The following VSTM2B variants were observed in gnomAD, a reference collection of about 807,000 sequenced individuals.
The protein encoded by VSTM2B is V-set and transmembrane domain-containing protein 2B.
A neutral mutation model predicts 24.0 loss-of-function variants in VSTM2B; 24 were observed. That is an observed-to-expected ratio of 1.00 (90% CI 0.72 to 1.40). The LOEUF (loss-of-function observed/expected upper bound fraction) is 1.40, where lower values mean the gene tolerates loss of function less well. VSTM2B is among the 40% of genes most tolerant of loss of function. The probability of loss-of-function intolerance (pLI) is 0.00; values close to 1 mark genes in which losing one functional copy is unlikely to be tolerated. For synonymous variants in VSTM2B, 226 were observed against 194.4 expected, an observed-to-expected ratio of 1.16 and a Z score of -1.35; for missense variants, 399 against 416.4, an observed-to-expected ratio of 0.96 and a Z score of 0.36.
intron 4 of VSTM2B, among the ~76,000 whole-genome samples, chr19:29,548,813 G>A (rs971652152): frequency 1.3e-5 from 2 of 152,244 alleles, no homozygotes; most frequent in Non-Finnish European, 2.9e-5. Context: ...AAGATAGGAT[G>A]CATACCAGGC....
intron 4 of VSTM2B, among the ~76,000 whole-genome samples, chr19:29,538,020 T>C (rs1473979971): frequency 2.6e-5 from 4 of 152,212 alleles, no homozygotes; most frequent in East Asian, 3.9e-4. Context: ...CATTCTCTCC[T>C]GACATTTCAA....
chr19:29,552,992 G>T (rs138295489), intron 4 of VSTM2B, among the ~76,000 whole-genome samples: 4 of 152,308 alleles, frequency 2.6e-5, no homozygotes, highest in African/African-American at 9.6e-5. Context: ...CAGGGGAGGG[G>T]TGTCTGCGGT....
rs998702504 is a variant in VSTM2B at position 29,526,768 on chromosome 19, C to A, written c.82+103C>A. The A allele has an allele frequency of 1.8e-6, 2 of 1,107,572 alleles. No individual in the cohort carries two copies. The highest frequency in any genetic ancestry group is 2.2e-5 in the Admixed American group (1 of 44,458). The allele number at this position is 1,107,572 out of a possible 1,614,324, so 68.6% of individuals were successfully genotyped here. ...AGAACGAACCGGGAAGCTTCGCGGT[C>A]TCCAGCAATCCCGCTGTGCAGCCTG... On this transcript the variant is annotated intron_variant, in intron 1 of 4. Coordinates refer to ENST00000335523, the MANE Select transcript of VSTM2B (RefSeq NM_001146339.2). The surrounding 1 kb of genome is among the most constrained non-coding windows in gnomAD (Gnocchi z 4.1).
rs1003179328 is a variant in VSTM2B at position 29,541,014 on chromosome 19, C to T, written c.769+10724C>T. The stretch of plus-strand genomic sequence containing the variant: ...GGGACTCACATGTGCAAAGGTCCTG[C>T]GGCAAGAGGGATCTGGGGAAATGCA... On this transcript the variant is annotated intron_variant, in intron 4 of 4. Transcript: ENST00000335523. Among the ~76,000 whole-genome samples, 37 of 152,218 alleles carry T rather than the reference C, an allele frequency of 2.4e-4. 1 individual carries two copies. Among genetic ancestry groups the T allele is most frequent in the Admixed American group, 7.2e-4 (11 of 15,292 alleles).
intron 4 of VSTM2B, among the ~76,000 whole-genome samples, chr19:29,549,352 AATGCTGCACCC>A (rs938577974): frequency 6.6e-6 from 1 of 152,098 alleles, no homozygotes; most frequent in African/African-American, 2.4e-5. Flanking sequence ...CGCTGCCCCC[AATGCTGCACCC>A]ATGCTGCCCC....
At chr19:29,553,067 A>G (rs563020957) in intron 4 of VSTM2B, among the ~76,000 whole-genome samples, 32 of 152,248 alleles carry the variant, frequency 2.1e-4, no homozygotes, top group Admixed American at 1.6e-3. Flanking sequence ...CAGTCTGGAC[A>G]AGTGAGATCC....
intron 4 of VSTM2B, among the ~76,000 whole-genome samples, chr19:29,555,822 T>A (rs1290776595): frequency 2.0e-5 from 3 of 151,992 alleles, no homozygotes; most frequent in Non-Finnish European, 4.4e-5. Flanking sequence ...AACGAAAAAA[T>A]TTCTGGATAC....
rs1969552409 is a variant in VSTM2B at position 29,526,029 on chromosome 19, C to G, written c.-555C>G. Among the ~76,000 whole-genome samples, 1 of 152,018 alleles carries G rather than the reference C, an allele frequency of 6.6e-6. No homozygotes were observed. Among genetic ancestry groups the G allele is most frequent in the South Asian group, 2.1e-4 (1 of 4,830 alleles). ...GGCTCCGGGTCCGCCACGCCGGACC[C>G]GCTCTCCCCGCGCTGCGCTGGGTCG... On this transcript the variant is annotated 5_prime_UTR_variant, in exon 1 of 5. Coordinates refer to ENST00000335523, the MANE Select transcript of VSTM2B (RefSeq NM_001146339.2). The surrounding 1 kb of genome is among the most constrained non-coding windows in gnomAD (Gnocchi z 4.1).
At position 29,530,440 on chromosome 19, in the gene VSTM2B, C is replaced by CT. The variant is rs1341642231; in HGVS notation, c.769+150_769+151insT. The CT allele has an allele frequency of 4.2e-5, 27 of 642,690 alleles. No individual in the cohort carries two copies. The Admixed American group carries it at 1.1e-3, about 26-fold the overall frequency. The allele number at this position is 642,690 out of a possible 1,614,324, so 39.8% of individuals were successfully genotyped here. A position where few individuals can be genotyped will look rare whatever the true frequency, so the allele number is the denominator to read the frequency against. ...TTCCTAGTTAGGTCGGGAGCGCCCC[C>CT]CCCAGGGCCTTCTTCCCGCGGTTTC... On this transcript the variant is annotated intron_variant, in intron 4 of 4. Coordinates refer to ENST00000335523, the MANE Select transcript of VSTM2B (RefSeq NM_001146339.2).
intron 4 of VSTM2B, among the ~76,000 whole-genome samples, chr19:29,549,568 A>G (rs375172953): frequency 8.7e-5 from 5 of 57,344 alleles, no homozygotes; most frequent in South Asian, 1.0e-3. Context: ...GACCCCAGAC[A>G]CTGGCCCCAA....
intron 3 of VSTM2B, chr19:29,529,140 T>C (rs1969662450): frequency 2.0e-6 from 2 of 985,256 alleles, no homozygotes; most frequent in Non-Finnish European, 2.4e-6. Flanking sequence ...AGAGCAGTAC[T>C]TCCCGAAGTC....
chr19:29,536,599 C>T (rs1047965121), intron 4 of VSTM2B, among the ~76,000 whole-genome samples: 5 of 152,200 alleles, frequency 3.3e-5, no homozygotes, highest in Admixed American at 1.3e-4. Flanking sequence ...CTCCTCTCAC[C>T]GGCTTTCCTC....
At chr19:29,561,493 G>A (rs867639369) in intron 4 of VSTM2B, among the ~76,000 whole-genome samples, 9 of 151,140 alleles carry the variant, frequency 6.0e-5, no homozygotes, top group Admixed American at 2.0e-4. Context: ...GGCTTGGTGT[G>A]GGGTGCCTGT....
In VSTM2B at chr19:29,540,208, G is replaced by T. The variant is rs1461781661; in HGVS notation, c.769+9918G>T. Among the ~76,000 whole-genome samples the T allele has an allele frequency of 2.6e-5, 4 of 152,232 alleles. 1 individual carries two copies. Among genetic ancestry groups the T allele is most frequent in the South Asian group, 4.1e-4 (2 of 4,832 alleles). ...TGGGGATTCCTGGTCTGCTGTATCT[G>T]GTCTGGCCCAGGCCAAGGGGCAGGG... On this transcript the variant is annotated intron_variant, in intron 4 of 4. Coordinates refer to ENST00000335523, the MANE Select transcript of VSTM2B (RefSeq NM_001146339.2).
Position 29,530,267 on chromosome 19 carries a change from T to C in VSTM2B, c.746T>C (p.Leu249Pro), listed in dbSNP as rs1359971653. The part of the protein sequence containing the change: ...SASPPSGQAV[L>P]LRQRHGSGTG... ...TCGCCGCCATCGGGACAGGCGGTCC[T>C]GCTGCGCCAGAGGCACGGCTCGGGT... is the stretch of plus-strand genomic sequence containing the variant. Residue 249 changes from leucine to proline, a missense_variant, in exon 4 of 5, where the codon CTG becomes CCG. By Grantham distance (98) the Leu-to-Pro change is moderately conservative. Coordinates refer to ENST00000335523, the MANE Select transcript of VSTM2B (RefSeq NM_001146339.2). 1.6e-5 allele frequency: 24 copies of C among 1,498,862 alleles called. No individual in the cohort carries two copies. The highest frequency in any genetic ancestry group is 2.0e-5 in the Non-Finnish European group (23 of 1,130,752). 92.8% of individuals were successfully genotyped at this position (1,498,862 alleles called of 1,614,324 possible). A position where few individuals can be genotyped will look rare whatever the true frequency, so the allele number is the denominator to read the frequency against.
chr19:29,530,001 C>T lies in VSTM2B; in HGVS notation c.480C>T (p.Ala160=), dbSNP rs1484750710. 12 of 1,541,058 alleles carry T rather than the reference C, an allele frequency of 7.8e-6. No individual in the cohort carries two copies. Among genetic ancestry groups the T allele is most frequent in the Admixed American group, 2.0e-5 (1 of 50,916 alleles). ...TCGCGCCGCCCAACATGCAGGCCGC[C>T]GAGGCCGTGTCCCACATCCAGAGCA... The part of the protein sequence containing the change: ...SRFAPPNMQA[A]EAVSHIQSSG... The change falls in exon 4 of 5, where the codon GCC becomes GCT. Residue 160 remains alanine, a synonymous_variant. Coordinates refer to ENST00000335523, the MANE Select transcript of VSTM2B (RefSeq NM_001146339.2).
rs541694806 is a variant in VSTM2B at position 29,561,835 on chromosome 19, C to T, written c.770-2011C>T. On this transcript the variant is annotated intron_variant, in intron 4 of 4. Transcript: ENST00000335523. Reference sequence around the variant, plus strand: ...CGCCTGTCGTCCTTCCCAGTAATGCCTGACAGCAAAGAATGAGAGCAGATT... The same window carrying T: ...CGCCTGTCGTCCTTCCCAGTAATGCTTGACAGCAAAGAATGAGAGCAGATT... Among the ~76,000 whole-genome samples, 6 of 152,270 alleles carry T rather than the reference C, an allele frequency of 3.9e-5. No individual in the cohort carries two copies. The South Asian group carries it at 8.3e-4, about 21-fold the overall frequency.
chr19:29,556,873 A>C (rs1970421283), intron 4 of VSTM2B, among the ~76,000 whole-genome samples: 1 of 152,224 alleles, frequency 6.6e-6, no homozygotes, highest in Admixed American at 6.5e-5. Context: ...CTGCTCAAGG[A>C]AATCAGAGAG....
At chr19:29,555,348 T>C (rs1970381794) in intron 4 of VSTM2B, among the ~76,000 whole-genome samples, 1 of 152,198 alleles carries the variant, frequency 6.6e-6, no homozygotes, top group Non-Finnish European at 1.5e-5. Context: ...CAAGAAGTTA[T>C]TTGAAATCAG....
Sources: allele counts gnomAD v4.1 joint callset (sites outside exome capture counted in the v4.1 genomes callset), GRCh38; gene constraint gnomAD v4.1.1; non-coding constraint Gnocchi (gnomAD v3.1); transcripts MANE v1.5; gene names NCBI Gene and HGNC (gene_info 2026-07-23, HGNC 2026-07-21).